Variants in USP6NL observed in about 807,000 individuals in gnomAD.
The protein encoded by USP6NL is USP6 N-terminal like.
A neutral mutation model predicts 61.9 loss-of-function variants in USP6NL; 26 were observed. The ratio of observed to expected loss-of-function variants is 0.42; its 90% confidence interval spans 0.31 to 0.58. The LOEUF is 0.58. USP6NL is among the 20% of genes least tolerant of loss of function. The pLI is 0.16. For synonymous variants in USP6NL, 432 were observed against 390.1 expected (o/e 1.11, Z -1.27); for missense variants, 1,114 against 1,034.3 (o/e 1.08, Z -1.06).
intron 2 of USP6NL, among the ~76,000 whole-genome samples, chr10:11,534,670 G>A (rs919138757): frequency 3.9e-5 from 6 of 152,142 alleles, no homozygotes; most frequent in Non-Finnish European, 7.4e-5. Flanking sequence ...AATACAAAGG[G>A]ACATGGCTGT....
At chr10:11,466,108 T>C (rs1832440522) in intron 14 of USP6NL, among the ~76,000 whole-genome samples, 1 of 152,238 alleles carries the variant, frequency 6.6e-6, no homozygotes, top group African/African-American at 2.4e-5. Flanking sequence ...ATTTTCTATG[T>C]CTTGTGGTCA....
chr10:11,526,593 T>C lies in USP6NL; in HGVS notation c.72+907A>G, dbSNP rs576924234. Reference sequence around the variant, plus strand: ...GTTCCAAAAATGAACTCTGGGAACATAACTGCTAAGCTGAGCATCACCTGT... The same window carrying C: ...GTTCCAAAAATGAACTCTGGGAACACAACTGCTAAGCTGAGCATCACCTGT... On this transcript the variant is annotated intron_variant, in intron 3 of 14. Transcript: ENST00000609104. Among the ~76,000 whole-genome samples the C allele has an allele frequency of 5.3e-5, 8 of 152,298 alleles. No homozygotes were observed. The South Asian group carries it at 1.7e-3, about 32-fold the overall frequency.
chr10:11,532,292 A>C lies in USP6NL; in HGVS notation c.5-4725T>G. On this transcript the variant is annotated intron_variant, in intron 2 of 14. Transcript: ENST00000609104. The surrounding 1 kb of genome is among the most constrained non-coding windows in gnomAD (Gnocchi z 4.1). ...TTTTATAGTTCTCGAACACACCAAG[A>C]GTGCTGCCCGGCGGTACCTCACACA... 1.4e-5 allele frequency: 20 copies of C among 1,461,896 alleles called. No individual in the cohort carries two copies. The highest frequency in any genetic ancestry group is 1.8e-5 in the Non-Finnish European group (20 of 1,082,194). 90.6% of individuals were successfully genotyped at this position (1,461,896 alleles called of 1,614,324 possible).
chr10:11,535,206 CA>C (rs1835786745), intron 2 of USP6NL, among the ~76,000 whole-genome samples: 1 of 152,184 alleles, frequency 6.6e-6, no homozygotes, highest in Admixed American at 6.5e-5. Flanking sequence ...TTCCATGTGG[CA>C]AATACTCAAG....
chr10:11,593,108 C>T (rs1258212858), intron 2 of USP6NL, among the ~76,000 whole-genome samples: 1 of 152,226 alleles, frequency 6.6e-6, no homozygotes, highest in East Asian at 1.9e-4. Flanking sequence ...GTCATAGATT[C>T]ACTCCTGGAT....
At chr10:11,601,892 T>C (rs1006660530) in intron 1 of USP6NL, among the ~76,000 whole-genome samples, 4 of 152,222 alleles carry the variant, frequency 2.6e-5, no homozygotes, top group Admixed American at 2.6e-4. Context: ...TGATCTCACC[T>C]TCACAGCTGT....
intron 2 of USP6NL, among the ~76,000 whole-genome samples, chr10:11,541,503 G>A (rs1017335494): frequency 1.3e-5 from 2 of 151,838 alleles, no homozygotes; most frequent in Non-Finnish European, 2.9e-5. Flanking sequence ...TAGAGAAGTG[G>A]CACTTGGAAC....
In USP6NL at chr10:11,520,250, T is replaced by C. The variant is rs138119349; in HGVS notation, c.156-1676A>G. On this transcript the variant is annotated intron_variant, in intron 4 of 14. Transcript: ENST00000609104. This position sits in a 1 kb window ranked among gnomAD's most constrained non-coding sequence, Gnocchi z 5.2. ...AAGAAGAAACGAAACTGGTTACAAATAAAAAAGTCTTCAGACCTCATAGAT... is the reference window on the plus strand; with the variant it reads ...AAGAAGAAACGAAACTGGTTACAAACAAAAAAGTCTTCAGACCTCATAGAT... 7.6e-4 allele frequency among the ~76,000 whole-genome samples: 115 copies of C among 152,238 alleles called. No individual in the cohort carries two copies. The highest frequency in any genetic ancestry group is 2.6e-3 in the African/African-American group (107 of 41,544).
chr10:11,603,154 T>A (rs565420596), intron 1 of USP6NL, among the ~76,000 whole-genome samples: 1 of 152,330 alleles, frequency 6.6e-6, no homozygotes, highest in African/African-American at 2.4e-5. Flanking sequence ...TCTGGTTTCA[T>A]CGGTTTCTTT....
At chr10:11,546,595 T>G (rs972169568) in intron 2 of USP6NL, among the ~76,000 whole-genome samples, 2 of 150,860 alleles carry the variant, frequency 1.3e-5, no homozygotes, top group African/African-American at 4.9e-5. Flanking sequence ...TGTTGTTGTT[T>G]TTAGTAGAGA....
intron 3 of USP6NL, among the ~76,000 whole-genome samples, chr10:11,526,280 C>G (rs1010989222): frequency 4.6e-5 from 7 of 152,160 alleles, no homozygotes; most frequent in Non-Finnish European, 8.8e-5. Context: ...ATTTTAGACT[C>G]AAACTCCCAA....
At position 11,520,993 on chromosome 10, in the gene USP6NL, C is replaced by T. The variant is rs1835181807; in HGVS notation, c.156-2419G>A. 6.6e-6 allele frequency among the ~76,000 whole-genome samples: 1 copy of T among 152,180 alleles called. No individual in the cohort carries two copies. Among genetic ancestry groups the T allele is most frequent in the Non-Finnish European group, 1.5e-5 (1 of 68,030 alleles). On this transcript the variant is annotated intron_variant, in intron 4 of 14. Transcript: ENST00000609104. This position sits in a 1 kb window ranked among gnomAD's most constrained non-coding sequence, Gnocchi z 5.2. ...AATACAGTAAGGGAAAACCATAAGA[C>T]AGCCATCTCTGGAAAGAGAGAGACC...
In USP6NL at chr10:11,532,039, C is replaced by T. The variant is rs116363682; in HGVS notation, c.5-4472G>A. On this transcript the variant is annotated intron_variant, in intron 2 of 14. Coordinates refer to ENST00000609104, the MANE Select transcript of USP6NL (RefSeq NM_014688.5). The surrounding 1 kb of genome is among the most constrained non-coding windows in gnomAD (Gnocchi z 4.1). ...TTAATGTCACTAAATTAGCACCAAA[C>T]TGCAATGAAAAATTCATACAAAGTT... is the stretch of plus-strand genomic sequence containing the variant. The T allele has an allele frequency of 8.7e-4, 561 of 643,322 alleles. 2 individuals carry two copies. The highest frequency in any genetic ancestry group is 8.6e-3 in the African/African-American group (471 of 54,574). 39.9% of individuals were successfully genotyped at this position (643,322 alleles called of 1,614,324 possible).
intron 2 of USP6NL, among the ~76,000 whole-genome samples, chr10:11,558,305 A>G (rs1836794939): frequency 6.6e-6 from 1 of 152,226 alleles, no homozygotes; most frequent in East Asian, 1.9e-4. Context: ...TCTCAGGATC[A>G]TCATTCCACA....
intron 2 of USP6NL, among the ~76,000 whole-genome samples, chr10:11,594,308 G>T (rs1264906786): frequency 6.6e-6 from 1 of 152,120 alleles, no homozygotes; most frequent in Admixed American, 6.6e-5. Context: ...TGATTCAGAG[G>T]GAGCTTGGAA....
rs1566160105 is a variant in USP6NL at position 11,528,159 on chromosome 10, A to ACC, written c.5-594_5-593dup. Among the ~76,000 whole-genome samples the ACC allele has an allele frequency of 5.3e-5, 8 of 150,900 alleles. No homozygotes were observed. The highest frequency in any genetic ancestry group is 2.1e-4 in the South Asian group (1 of 4,782). On this transcript the variant is annotated intron_variant, in intron 2 of 14. Coordinates refer to ENST00000609104, the MANE Select transcript of USP6NL (RefSeq NM_014688.5). This position sits in a 1 kb window ranked among gnomAD's most constrained non-coding sequence, Gnocchi z 4.6. ...CACACACACACACACACACACACACACCCTTCATCCTTATTAACATTAGGA... is the reference window on the plus strand; with the variant it reads ...CACACACACACACACACACACACACACCCCCTTCATCCTTATTAACATTAGGA...
At position 11,509,602 on chromosome 10, in the gene USP6NL, G is replaced by A. The variant is rs771894885; in HGVS notation, c.269C>T (p.Thr90Ile). 5 of 1,556,630 alleles carry A rather than the reference G, an allele frequency of 3.2e-6. No homozygotes were observed. The highest frequency in any genetic ancestry group is 4.4e-6 in the Non-Finnish European group (5 of 1,149,416). Reference sequence around the variant, plus strand: ...AACATGATTTTAAATTACCTTTTCAGTGTTCTTGTATTTTTCCCATCCTTT... The same window carrying A: ...AACATGATTTTAAATTACCTTTTCAATGTTCTTGTATTTTTCCCATCCTTT... ...MLKGWEKYKNTEKFHRRIYKG... is the reference protein window; with the variant it reads ...MLKGWEKYKNIEKFHRRIYKG... The change falls in exon 6 of 15, where the codon ACT (threonine) becomes ATT (isoleucine). Residue 90 changes from threonine (T) to isoleucine (I), a missense_variant. Physicochemically the swap from Thr to Ile is moderately conservative, Grantham distance 89. Coordinates refer to ENST00000609104, the MANE Select transcript of USP6NL (RefSeq NM_014688.5).
At chr10:11,512,259 G>A (rs903606248) in intron 5 of USP6NL, among the ~76,000 whole-genome samples, 11 of 152,128 alleles carry the variant, frequency 7.2e-5, no homozygotes, top group African/African-American at 2.7e-4. Context: ...CATGCTGCTA[G>A]TACCCTTCTG....
rs1048631075 is a variant in USP6NL, at chr10:11,513,574, C to G, written c.196-3899G>C. On this transcript the variant is annotated intron_variant, in intron 5 of 14. Transcript: ENST00000609104. This position sits in a 1 kb window ranked among gnomAD's most constrained non-coding sequence, Gnocchi z 4.7. ...AGACCCACAGATTATTAACCTTTTG[C>G]TAGATTTCATTTATACTATTTAGGT... Among the ~76,000 whole-genome samples, 2 of 152,208 alleles carry G rather than the reference C, an allele frequency of 1.3e-5. No individual in the cohort carries two copies. Among genetic ancestry groups the G allele is most frequent in the Admixed American group, 6.5e-5 (1 of 15,280 alleles).
Sources: gnomAD v4.1 joint callset for allele counts (sites outside exome capture counted in the v4.1 genomes callset) on GRCh38, gnomAD v4.1.1 for gene constraint, Gnocchi (gnomAD v3.1) non-coding constraint, MANE v1.5 for transcripts, NCBI Gene and HGNC (gene_info 2026-07-23, HGNC 2026-07-21) for gene names.